MAP3K15: variants seen among roughly 807,000 people sequenced by gnomAD.
MAP3K15 encodes mitogen-activated protein kinase kinase kinase 15.
A neutral mutation model predicts 99.5 loss-of-function variants in MAP3K15; 124 were observed. The ratio of observed to expected loss-of-function variants is 1.25; its 90% CI spans 1.08 to 1.45. The LOEUF is 1.45. MAP3K15 is among the 40% of genes most tolerant of loss of function. MAP3K15 has a pLI of 0.00. For missense variants in MAP3K15, 1,242 were observed against 1,079.7 expected, an observed-to-expected ratio of 1.15 and a Z score of -2.11; for synonymous variants, 494 against 439.6, an observed-to-expected ratio of 1.12 and a Z score of -1.55.
At chrX:19,490,826 G>T (rs1291878183) in intron 1 of MAP3K15, among the ~76,000 whole-genome samples, 1 of 110,899 alleles carries the variant, frequency 9.0e-6, no homozygotes, top group African/African-American at 3.3e-5. Context: ...AAACAGAGGA[G>T]CAACTTATTA....
Position 19,361,368 on chromosome X carries a change from A to C in MAP3K15, c.3828T>G (p.Thr1276=), listed in dbSNP as rs1335899217. 1.7e-6 allele frequency: 2 copies of C among 1,208,154 alleles called. No homozygotes were observed. The highest frequency in any genetic ancestry group is 3.5e-5 in the African/African-American group (2 of 57,530). The change falls in exon 28 of 29, where the codon ACT becomes ACG. Residue 1276 remains threonine, a synonymous_variant. Coordinates refer to ENST00000338883, the MANE Select transcript of MAP3K15 (RefSeq NM_001001671.4). Reference sequence around the variant, plus strand: ...GTCGAAGGTATCTTAGATCTTCCTTAGTGATCTCATTAAGAATATCCGAAA... The same window carrying C: ...GTCGAAGGTATCTTAGATCTTCCTTCGTGATCTCATTAAGAATATCCGAAA... ...YTLSDILNEI[T]KEDLRYLRLR... is the part of the protein sequence containing the mutation.
intron 11 of MAP3K15, among the ~76,000 whole-genome samples, chrX:19,411,125 A>G (rs2063683980): frequency 1.8e-5 from 2 of 109,858 alleles, no homozygotes; most frequent in Non-Finnish European, 3.8e-5. Flanking sequence ...CAGAGGTTCC[A>G]GTGAGCCAAA....
intron 7 of MAP3K15, among the ~76,000 whole-genome samples, chrX:19,427,287 A>G (rs2063840436): frequency 9.0e-6 from 1 of 111,462 alleles, no homozygotes; most frequent in African/African-American, 3.3e-5. Flanking sequence ...GGGATTACAG[A>G]CATGAGCCAC....
At chrX:19,423,167 A>T (rs925795059) in intron 9 of MAP3K15, among the ~76,000 whole-genome samples, 8 of 110,948 alleles carry the variant, frequency 7.2e-5, no homozygotes. Flanking sequence ...CCTAAAACTT[A>T]AAGTATAATA....
rs2063444838 is a variant in MAP3K15 at position 19,379,692 on chromosome X, T to C, written c.2589+428A>G. On this transcript the variant is annotated intron_variant, in intron 19 of 28. Transcript: ENST00000338883. ...CCTGACCTCAGGTGATCCACCCATC[T>C]CGGCCTCCCAAATTGCTGGGATTAC... is the stretch of plus-strand genomic sequence containing the variant. 2.7e-5 allele frequency among the ~76,000 whole-genome samples: 3 copies of C among 110,983 alleles called. No individual in the cohort carries two copies. The South Asian group carries it at 1.2e-3, about 43-fold the overall frequency.
intron 1 of MAP3K15, among the ~76,000 whole-genome samples, chrX:19,514,321 A>G (rs1344935135): frequency 9.4e-6 from 1 of 106,081 alleles, no homozygotes; most frequent in African/African-American, 3.5e-5. Context: ...GGAATGAGAA[A>G]GCAAAAGTTG....
At position 19,456,987 on chromosome X, in the gene MAP3K15, T is replaced by A. The variant is rs764370743; in HGVS notation, c.921A>T (p.Thr307=). ...DYDAMVKLVE[T]LEMLPTCDLA... ...AATCACACGTAGGCAGCATCTCCAG[T>A]GTTTCCACCAGCTTCACCATCGCAT... Residue 307 remains threonine (T), a synonymous_variant, in exon 6 of 29, where the codon ACA becomes ACT. Coordinates refer to ENST00000338883, the MANE Select transcript of MAP3K15 (RefSeq NM_001001671.4). The A allele has an allele frequency of 9.0e-5, 108 of 1,197,511 alleles. No individual in the cohort carries two copies. Among genetic ancestry groups the A allele is most frequent in the Non-Finnish European group, 1.2e-4 (107 of 893,926 alleles).
rs1389416704 is a variant in MAP3K15, at chrX:19,455,248, T to TC, written c.995+1664dup. 1.8e-5 allele frequency among the ~76,000 whole-genome samples: 2 copies of TC among 111,069 alleles called. 1 individual carries two copies. Among genetic ancestry groups the TC allele is most frequent in the East Asian group, 5.6e-4 (2 of 3,544 alleles). On this transcript the variant is annotated intron_variant, in intron 6 of 28. Coordinates refer to ENST00000338883, the MANE Select transcript of MAP3K15 (RefSeq NM_001001671.4). Reference sequence around the variant, plus strand: ...CTATCTGGTGTGCAATCCCAGCCATTCTGCTTCCAAACGGGAAACGTATTC... The same window carrying TC: ...CTATCTGGTGTGCAATCCCAGCCATTCCTGCTTCCAAACGGGAAACGTATTC...
At chrX:19,490,162 CACACACACACACACACACACACAT>C (rs1411213828) in intron 1 of MAP3K15, among the ~76,000 whole-genome samples, 2 of 85,536 alleles carry the variant, frequency 2.3e-5, no homozygotes, top group South Asian at 8.6e-4. Flanking sequence ...CACACACACA[CACACACACACACACACACACACAT>C]ACATACAAAA....
Position 19,360,609 on chromosome X carries a change from A to T in MAP3K15, c.*140T>A. 2.1e-6 allele frequency: 1 copy of T among 478,056 alleles called. No homozygotes were observed. Among genetic ancestry groups the T allele is most frequent in the Non-Finnish European group, 3.6e-6 (1 of 280,104 alleles). The allele number at this position is 478,056 out of a possible 1,213,427, so 39.4% of individuals were successfully genotyped here. On this transcript the variant is annotated 3_prime_UTR_variant, in exon 29 of 29. Transcript: ENST00000338883. ...TCAAAAGAAACTCAGGACAGTATTT[A>T]AAACAAGTTCTTAAACTATTAATTG...
chrX:19,469,800 A>T (rs1199087229), intron 3 of MAP3K15, among the ~76,000 whole-genome samples: 5 of 111,016 alleles, frequency 4.5e-5, no homozygotes, highest in African/African-American at 1.7e-4. Flanking sequence ...ACATGAAAAA[A>T]CGCTCATCAT....
intron 3 of MAP3K15, among the ~76,000 whole-genome samples, chrX:19,467,952 T>G (rs978764934): frequency 5.6e-4 from 63 of 111,866 alleles, no homozygotes; most frequent in African/African-American, 2.0e-3. Flanking sequence ...CTGAGAAGAC[T>G]AGAGGCTGTT....
At chrX:19,397,200 G>A (rs757168594) in intron 15 of MAP3K15, among the ~76,000 whole-genome samples, 197 of 110,975 alleles carry the variant, frequency 1.8e-3, no homozygotes, top group Non-Finnish European at 2.7e-3. Context: ...TACAATGCCC[G>A]GCTAGAAACA....
At chrX:19,399,125 G>A (rs1255282159) in intron 14 of MAP3K15, among the ~76,000 whole-genome samples, 1 of 112,032 alleles carries the variant, frequency 8.9e-6, no homozygotes, top group Non-Finnish European at 1.9e-5. Context: ...CTACTTCTAG[G>A]GATGTTCATG....
intron 5 of MAP3K15, among the ~76,000 whole-genome samples, chrX:19,459,005 C>A (rs1249555035): frequency 8.9e-6 from 1 of 112,087 alleles, no homozygotes; most frequent in Admixed American, 9.5e-5. Context: ...AAAGACCAGT[C>A]TCAGAACTCT....
intron 10 of MAP3K15, 29 bp downstream of exon 10, chrX:19,415,078 T>C (rs951291391): frequency 9.3e-7 from 1 of 1,078,879 alleles, no homozygotes. Context: ...TTCCTAATCT[T>C]AAAAAAAAAT....
At chrX:19,497,300 C>T (rs7061319) in intron 1 of MAP3K15, 24,548 of 107,657 alleles carry the variant, frequency 0.23, 2,733 homozygotes, top group African/African-American at 0.42. Flanking sequence ...CAGCTGGTAT[C>T]ACAGGCATGC....
intron 6 of MAP3K15, among the ~76,000 whole-genome samples, chrX:19,441,450 C>A (rs867784566): frequency 1.5e-4 from 17 of 110,045 alleles, no homozygotes; most frequent in Middle Eastern, 4.6e-3. Context: ...GCTAAAAAAA[C>A]CCACCGACTT....
At position 19,515,209 on chromosome X, in the gene MAP3K15, T is replaced by A; in HGVS notation, c.53A>T (p.Glu18Val). 3.4e-6 allele frequency: 3 copies of A among 882,260 alleles called. No homozygotes were observed. The highest frequency in any genetic ancestry group is 4.2e-6 in the Non-Finnish European group (3 of 720,622). 72.7% of individuals were successfully genotyped at this position (882,260 alleles called of 1,213,427 possible). A position where few individuals can be genotyped will look rare whatever the true frequency, so the allele number is the denominator to read the frequency against. ...CGGCGGCGGCGGGCACTGAGGGGAC[T>A]CGCTCGCCGCCCCGAGGGCCCCGGC... Reference protein sequence around the residue: ...APAGALGAASESPQCPPPPGV... With the variant: ...APAGALGAASVSPQCPPPPGV... The change falls in exon 1 of 29, where the codon GAG (glutamate) becomes GTG (valine). Residue 18 changes from glutamate to valine, a missense_variant. Glu to Val is a moderately radical substitution (Grantham distance 121). Transcript: ENST00000338883.
Sources: allele counts gnomAD v4.1 joint callset (sites outside exome capture counted in the v4.1 genomes callset), GRCh38; gene constraint gnomAD v4.1.1; transcripts MANE v1.5; gene names NCBI Gene and HGNC (gene_info 2026-07-23, HGNC 2026-07-21).